TPTE2: variants seen among roughly 807,000 people sequenced by gnomAD.
TPTE2 encodes the protein phosphatidylinositol 3,4,5-trisphosphate 3-phosphatase TPTE2.
Under a neutral mutation model 78.6 loss-of-function variants are expected in TPTE2, and 53 were observed. The ratio of observed to expected loss-of-function variants is 0.67; its 90% CI spans 0.54 to 0.85. TPTE2 has a LOEUF of 0.85. TPTE2 is among the 40% of genes least tolerant of loss of function. The pLI, the probability that TPTE2 is intolerant of heterozygous loss-of-function variation, is 0.00. For synonymous variants in TPTE2, 175 were observed against 206.2 expected, an observed-to-expected ratio of 0.85 and a Z score of 1.30; for missense variants, 461 against 623.0, an observed-to-expected ratio of 0.74 and a Z score of 2.77.
chr13:19,513,125 A>G (rs1168734455), intron 1 of TPTE2, among the ~76,000 whole-genome samples: 1 of 152,230 alleles, frequency 6.6e-6, no homozygotes, highest in African/African-American at 2.4e-5. Context: ...CTTTCTGAGT[A>G]TAACACACAC....
chr13:19,452,442 A>C (rs775168116), intron 10 of TPTE2, among the ~76,000 whole-genome samples: 3 of 152,178 alleles, frequency 2.0e-5, no homozygotes, highest in Non-Finnish European at 2.9e-5. Flanking sequence ...AATGGGGACT[A>C]TGCCTAGTAT....
At chr13:19,427,703 T>C (rs911016672) in intron 17 of TPTE2, among the ~76,000 whole-genome samples, 9 of 152,190 alleles carry the variant, frequency 5.9e-5, no homozygotes, top group Admixed American at 1.3e-4. Flanking sequence ...TCAGAACTCT[T>C]GTGTTTGTCA....
chr13:19,483,748 T>G (rs1376439458), intron 3 of TPTE2, among the ~76,000 whole-genome samples: 1 of 152,216 alleles, frequency 6.6e-6, no homozygotes, highest in Non-Finnish European at 1.5e-5. Context: ...GTTTTCTAGA[T>G]TTTTTGATCC....
intron 4 of TPTE2, among the ~76,000 whole-genome samples, chr13:19,478,641 C>T (rs1321125186): frequency 2.0e-5 from 3 of 152,098 alleles, no homozygotes; most frequent in Non-Finnish European, 2.9e-5. Flanking sequence ...ACCATTTGAC[C>T]CAGCCATCCC....
At chr13:19,528,722 T>C (rs1271611468) in intron 1 of TPTE2, among the ~76,000 whole-genome samples, 1 of 152,208 alleles carries the variant, frequency 6.6e-6, no homozygotes, top group Non-Finnish European at 1.5e-5. Context: ...TAAGTCTGCA[T>C]GGTTATCCAC....
intron 13 of TPTE2, 36 bp downstream of exon 16, chr13:19,450,040 T>G: frequency 7.5e-6 from 12 of 1,607,408 alleles, no homozygotes; most frequent in Non-Finnish European, 9.3e-6. Flanking sequence ...TTACATGTCT[T>G]TAGAAAGGGA....
the TPTE2 span, among the ~76,000 whole-genome samples, chr13:19,555,803 C>CTT: frequency 5.4e-3 from 436 of 81,058 alleles, 55 homozygotes; most frequent in African/African-American, 0.02. Context: ...CAACAAATTT[C>CTT]TTTTTTTTTT....
At chr13:19,487,467 A>C (rs1053965271) in intron 3 of TPTE2, among the ~76,000 whole-genome samples, 1 of 152,032 alleles carries the variant, frequency 6.6e-6, no homozygotes, top group Non-Finnish European at 1.5e-5. Context: ...GGGGTGTATC[A>C]GCTGCTCAGA....
intron 6 of TPTE2, among the ~76,000 whole-genome samples, chr13:19,473,657 G>A (rs1184144526): frequency 2.0e-5 from 3 of 149,050 alleles, no homozygotes; most frequent in East Asian, 2.0e-4. Context: ...GTGCAATGGC[G>A]TGATCTCAGC....
intron 15 of TPTE2, among the ~76,000 whole-genome samples, chr13:19,433,323 G>A (rs186143527): frequency 6.6e-6 from 1 of 152,234 alleles, no homozygotes; most frequent in East Asian, 1.9e-4. Flanking sequence ...CGCCAACAGG[G>A]TGAAACCCTG....
intron 1 of TPTE2, among the ~76,000 whole-genome samples, chr13:19,523,858 TG>T (rs1372682565): frequency 6.6e-6 from 1 of 152,002 alleles, no homozygotes; most frequent in Non-Finnish European, 1.5e-5. Flanking sequence ...AATCTAGAGG[TG>T]AAACTAAAGT....
chr13:19,437,921 T>C (rs957454152), intron 14 of TPTE2, among the ~76,000 whole-genome samples, 171 bp downstream of exon 17: 2 of 152,202 alleles, frequency 1.3e-5, no homozygotes, highest in Non-Finnish European at 2.9e-5. Flanking sequence ...TACTAACTAG[T>C]GCACGTTAAA....
chr13:19,427,676 CT>C (rs1294236118), intron 17 of TPTE2, among the ~76,000 whole-genome samples: 2 of 152,166 alleles, frequency 1.3e-5, no homozygotes, highest in African/African-American at 4.8e-5. Flanking sequence ...TGGGGTCCCC[CT>C]GCTCATCATG....
chr13:19,537,897 A>G (rs912404407), upstream of TPTE2, among the ~76,000 whole-genome samples: 8 of 151,890 alleles, frequency 5.3e-5, no homozygotes, highest in African/African-American at 1.7e-4. Context: ...GAGCCACCAT[A>G]CCCGGCCGGA....
chr13:19,536,810 G>C (rs1871238079), upstream of TPTE2: 1 of 151,572 alleles, frequency 6.6e-6, no homozygotes, highest in South Asian at 2.1e-4. Flanking sequence ...TTTTTTGGGG[G>C]GGTATGTTCT....
At chr13:19,547,186 G>A in the TPTE2 span, among the ~76,000 whole-genome samples, 7 of 152,234 alleles carry the variant, frequency 4.6e-5, no homozygotes, top group East Asian at 5.8e-4. Context: ...AGCCGGGAAC[G>A]TGGCCCACGC....
chr13:19,428,981 C>A (rs987779808), intron 17 of TPTE2, among the ~76,000 whole-genome samples: 8 of 152,162 alleles, frequency 5.3e-5, no homozygotes, highest in African/African-American at 1.4e-4. Context: ...TGATAATTAT[C>A]ACATATAACA....
chr13:19,434,233 G>C (rs1486386344), intron 15 of TPTE2, among the ~76,000 whole-genome samples: 2 of 152,174 alleles, frequency 1.3e-5, no homozygotes, highest in African/African-American at 4.8e-5. Flanking sequence ...GTCCCTAAAA[G>C]AAACACAAAG....
chr13:19,479,094 C>T (rs1264460611), intron 4 of TPTE2, among the ~76,000 whole-genome samples: 4 of 152,006 alleles, frequency 2.6e-5, no homozygotes, highest in African/African-American at 7.3e-5. Flanking sequence ...ACCAACATGG[C>T]ACATGCATAA....
Sources: gnomAD v4.1 joint callset for allele counts (sites outside exome capture counted in the v4.1 genomes callset) on GRCh38, gnomAD v4.1.1 for gene constraint, MANE v1.5 for transcripts, NCBI Gene and HGNC (gene_info 2026-07-23, HGNC 2026-07-21) for gene names.